Variants in COMMD7 observed in about 807,000 individuals in gnomAD.
COMMD7 encodes the protein COMM domain containing 7.
A neutral mutation model predicts 34.8 loss-of-function variants in COMMD7; 28 were observed. That is an observed-to-expected ratio of 0.80 (90% CI 0.60 to 1.10). The LOEUF (loss-of-function observed/expected upper bound fraction) is 1.10, where lower values mean the gene tolerates loss of function less well. Among genes scored for constraint, COMMD7 ranks in the 50% least tolerant of loss-of-function variants. COMMD7 has a pLI of 0.00. For synonymous variants in COMMD7, 80 were observed against 86.4 expected (o/e 0.93, Z 0.41); for missense variants, 211 against 241.6 (o/e 0.87, Z 0.84).
chr20:32,736,761 C>A (rs1347082627), intron 1 of COMMD7, among the ~76,000 whole-genome samples: 1 of 152,102 alleles, frequency 6.6e-6, no homozygotes, highest in Non-Finnish European at 1.5e-5. Context: ...GAGTCAGTTC[C>A]TGGGGGTGAT....
chr20:32,706,465 A>G, intron 5 of COMMD7, 118 bp downstream of exon 5: 1 of 770,680 alleles, frequency 1.3e-6, no homozygotes, highest in Non-Finnish European at 2.2e-6. Flanking sequence ...GTGAGCCGAG[A>G]TCACACTGCC....
chr20:32,727,463 A>T (rs1376514375), intron 3 of COMMD7, among the ~76,000 whole-genome samples: 1 of 147,886 alleles, frequency 6.8e-6, no homozygotes, highest in Non-Finnish European at 1.5e-5. Context: ...TTGAACTCGG[A>T]TGGCAGAGGT....
At chr20:32,712,463 G>A (rs1475425444) in intron 3 of COMMD7, among the ~76,000 whole-genome samples, 2 of 150,646 alleles carry the variant, frequency 1.3e-5, no homozygotes, top group African/African-American at 2.4e-5. Flanking sequence ...AGCCAAGATC[G>A]CGCCACTGCA....
chr20:32,718,576 G>A (rs1052837592), intron 3 of COMMD7, among the ~76,000 whole-genome samples: 7 of 152,162 alleles, frequency 4.6e-5, no homozygotes, highest in African/African-American at 1.4e-4. Context: ...GCATGGGCCT[G>A]TAATCCCAGC....
chr20:32,723,185 C>T (rs1985297563), intron 3 of COMMD7, among the ~76,000 whole-genome samples: 1 of 50,746 alleles, frequency 2.0e-5, no homozygotes, highest in African/African-American at 6.9e-5. Context: ...CGGTCTCCCT[C>T]TCATGCGGAG....
At position 32,734,905 on chromosome 20, in the gene COMMD7, C is replaced by T. The variant is rs147996324; in HGVS notation, c.85-6763G>A. ...TACCATTGCAGTCCAGCTTGGGCAA[C>T]ACAGTGAGACTCCATCTCAAAAATA... On this transcript the variant is annotated intron_variant, in intron 1 of 8. Transcript: ENST00000278980. Among the ~76,000 whole-genome samples the T allele has an allele frequency of 7.1e-3, 1,075 of 151,678 alleles. 3 individuals are homozygous for T. Among genetic ancestry groups the T allele is most frequent in the Non-Finnish European group, 0.012 (788 of 67,964 alleles).
At chr20:32,713,734 G>C (rs1253572157) in intron 3 of COMMD7, among the ~76,000 whole-genome samples, 17 of 152,184 alleles carry the variant, frequency 1.1e-4, no homozygotes, top group Non-Finnish European at 2.5e-4. Flanking sequence ...GAACTGAACA[G>C]ACAACAATCT....
intron 3 of COMMD7, 37 bp from the exon 4 acceptor site, chr20:32,706,797 C>T: frequency 6.4e-7 from 1 of 1,559,068 alleles, no homozygotes; most frequent in Non-Finnish European, 8.8e-7. Context: ...GAAAGGCAGA[C>T]CAGTGAATTA....
At chr20:32,714,214 C>T (rs1008309620) in intron 3 of COMMD7, among the ~76,000 whole-genome samples, 2 of 151,978 alleles carry the variant, frequency 1.3e-5, no homozygotes, top group Non-Finnish European at 2.9e-5. Context: ...GAATTTAGTT[C>T]AATGTTTGAT....
chr20:32,706,171 C>T lies in COMMD7; in HGVS notation c.336+412G>A, dbSNP rs143690113. Reference sequence around the variant, plus strand: ...CGAGATTGTGCCATTGCACTCTAGCCTGGGCAACGAGAGCGAAACTCTGTC... The same window carrying T: ...CGAGATTGTGCCATTGCACTCTAGCTTGGGCAACGAGAGCGAAACTCTGTC... On this transcript the variant is annotated intron_variant, in intron 5 of 8. Coordinates refer to ENST00000278980, the MANE Select transcript of COMMD7 (RefSeq NM_053041.3). Among the ~76,000 whole-genome samples the T allele has an allele frequency of 4.0e-4, 59 of 149,292 alleles. 1 individual carries two copies. Among genetic ancestry groups the T allele is most frequent in the Non-Finnish European group, 7.1e-4 (48 of 67,548 alleles).
At chr20:32,740,795 C>G (rs1359527584) in intron 1 of COMMD7, among the ~76,000 whole-genome samples, 1 of 134,298 alleles carries the variant, frequency 7.4e-6, no homozygotes, top group African/African-American at 2.9e-5. Flanking sequence ...CAATGGGTGA[C>G]AGAGCGAGAC....
intron 1 of COMMD7, among the ~76,000 whole-genome samples, chr20:32,729,975 T>G (rs564519315): frequency 2.7e-4 from 41 of 152,212 alleles, no homozygotes; most frequent in African/African-American, 9.9e-4. Flanking sequence ...ATCATGCCAC[T>G]GTACACCAGC....
At chr20:32,729,164 T>C in intron 1 of COMMD7, among the ~76,000 whole-genome samples, 1 of 149,484 alleles carries the variant, frequency 6.7e-6, no homozygotes, top group East Asian at 2.0e-4. Flanking sequence ...GGCGCTTATT[T>C]TGATTTTTTT....
intron 1 of COMMD7, 84 bp downstream of exon 1, chr20:32,743,224 G>A: frequency 1.0e-6 from 1 of 991,728 alleles, no homozygotes; most frequent in Admixed American, 3.0e-5. Context: ...CAACTCCCGC[G>A]CACCCCCGGA....
chr20:32,715,117 G>T (rs1427885290), intron 3 of COMMD7, among the ~76,000 whole-genome samples: 1 of 151,984 alleles, frequency 6.6e-6, no homozygotes, highest in Non-Finnish European at 1.5e-5. Context: ...GCAGTAAGCA[G>T]AGATTGTGCC....
intron 3 of COMMD7, among the ~76,000 whole-genome samples, chr20:32,727,219 C>A (rs1349223279): frequency 3.3e-5 from 5 of 150,494 alleles, no homozygotes; most frequent in African/African-American, 1.2e-4. Context: ...AGAGCAAGAC[C>A]CTGTCAAAAA....
In COMMD7 at chr20:32,703,148, T is replaced by G. The variant is rs1226371415; in HGVS notation, c.*234A>C. Reference sequence around the variant, plus strand: ...TGTCAGAGTATCTAAAAATGTGTCCTGGAAGACAGGTGGTGGTGGTTGCCC... The same window carrying G: ...TGTCAGAGTATCTAAAAATGTGTCCGGGAAGACAGGTGGTGGTGGTTGCCC... On this transcript the variant is annotated 3_prime_UTR_variant, in exon 9 of 9. Coordinates refer to ENST00000278980, the MANE Select transcript of COMMD7 (RefSeq NM_053041.3). 7.7e-6 allele frequency: 3 copies of G among 391,648 alleles called. No individual in the cohort carries two copies. The East Asian group carries it at 1.2e-4, about 15-fold the overall frequency. 24.3% of individuals were successfully genotyped at this position (391,648 alleles called of 1,614,324 possible).
intron 3 of COMMD7, among the ~76,000 whole-genome samples, chr20:32,723,977 G>C (rs1300987429): frequency 1.4e-4 from 1 of 7,172 alleles, no homozygotes; most frequent in Non-Finnish European, 4.2e-4. Flanking sequence ...TCTCCGCCCA[G>C]CAGCCACCCC....
intron 3 of COMMD7, among the ~76,000 whole-genome samples, chr20:32,715,238 T>A (rs1287765015): frequency 1.3e-5 from 2 of 151,476 alleles, no homozygotes; most frequent in Admixed American, 1.3e-4. Context: ...ATCCCAGCAC[T>A]CTGGGAGGCT....
Sources: allele counts gnomAD v4.1 joint callset (sites outside exome capture counted in the v4.1 genomes callset), GRCh38; gene constraint gnomAD v4.1.1; transcripts MANE v1.5; gene names NCBI Gene and HGNC (gene_info 2026-07-23, HGNC 2026-07-21).